Variants in PRKACB observed in about 807,000 individuals in gnomAD.
PRKACB encodes cAMP-dependent protein kinase catalytic subunit beta.
PRKACB carries 16 observed loss-of-function variants against 51.4 expected under a neutral mutation model. The observed-to-expected ratio is 0.31, with a 90% CI of 0.21 to 0.47. The LOEUF is 0.47. Ranked by LOEUF, PRKACB falls within the 20% of genes least tolerant of loss-of-function variation. PRKACB has a pLI of 1.00. For synonymous variants in PRKACB, 147 were observed against 154.4 expected (o/e 0.95, Z 0.35); for missense variants, 309 against 464.5 (o/e 0.67, Z 3.08).
At position 84,125,921 on chromosome 1, in the gene PRKACB, G is replaced by A. The variant is rs78905227; in HGVS notation, c.46+47550G>A. Among the ~76,000 whole-genome samples the A allele has an allele frequency of 9.7e-3, 1,475 of 152,134 alleles. 70 individuals are homozygous for A. The East Asian group carries it at 0.15, about 15-fold the overall frequency. On this transcript the variant is annotated intron_variant, in intron 1 of 8. Transcript: ENST00000370688. Reference sequence around the variant, plus strand: ...ATGGGATAGTTCCCTTGACCCCTTCGCGGGACTCACAAAGGGATTGACTTG... The same window carrying A: ...ATGGGATAGTTCCCTTGACCCCTTCACGGGACTCACAAAGGGATTGACTTG...
At chr1:84,164,738 A>C in intron 1 of PRKACB, 2 of 1,370,966 alleles carry the variant, frequency 1.5e-6, no homozygotes, top group Non-Finnish European at 1.9e-6. Flanking sequence ...GGCTGGGATA[A>C]CTAGCTTGAA....
intron 1 of PRKACB, among the ~76,000 whole-genome samples, chr1:84,162,003 A>G (rs1218568129): frequency 6.6e-6 from 1 of 152,050 alleles, no homozygotes; most frequent in Non-Finnish European, 1.5e-5. Context: ...TACAACAAAT[A>G]TCCTCCGTTG....
At chr1:84,179,689 A>G (rs1200234411) in intron 2 of PRKACB, among the ~76,000 whole-genome samples, 2 of 151,994 alleles carry the variant, frequency 1.3e-5, no homozygotes, top group East Asian at 3.9e-4. Context: ...CTATATAATT[A>G]AAGTATTTTA....
chr1:84,166,988 G>A (rs1215560640), intron 1 of PRKACB, among the ~76,000 whole-genome samples: 1 of 151,452 alleles, frequency 6.6e-6, no homozygotes, highest in Non-Finnish European at 1.5e-5. Flanking sequence ...TGATCTCACT[G>A]CCCATACAGG....
chr1:84,086,248 T>C, intron 1 of PRKACB: 1 of 1,547,766 alleles, frequency 6.5e-7, no homozygotes, highest in Non-Finnish European at 8.9e-7. Context: ...CAAGGACAAG[T>C]CCTGGTTCCC....
chr1:84,128,051 C>G (rs1232827834), intron 1 of PRKACB, among the ~76,000 whole-genome samples: 1 of 138,528 alleles, frequency 7.2e-6, no homozygotes, highest in Non-Finnish European at 1.5e-5. Context: ...TCTTGTCACC[C>G]AGGCTGGAGT....
chr1:84,078,436 G>C, intron 1 of PRKACB: 1 of 1,573,870 alleles, frequency 6.4e-7, no homozygotes, highest in Non-Finnish European at 8.6e-7. Flanking sequence ...AGCGCCCTCC[G>C]GGTCGCAGCT....
intron 9 of PRKACB, among the ~76,000 whole-genome samples, chr1:84,216,476 C>G (rs969851725): frequency 1.3e-5 from 2 of 152,148 alleles, no homozygotes; most frequent in African/African-American, 4.8e-5. Flanking sequence ...TCCAGAAACT[C>G]TCTGTTAAGT....
chr1:84,205,121 AAG>A, intron 8 of PRKACB: 1 of 982,204 alleles, frequency 1.0e-6, no homozygotes, highest in Non-Finnish European at 1.2e-6. Flanking sequence ...TTTTAACTAA[AAG>A]TACCAGATTA....
chr1:84,155,704 A>C (rs915781499), intron 1 of PRKACB, among the ~76,000 whole-genome samples: 1 of 152,202 alleles, frequency 6.6e-6, no homozygotes, highest in African/African-American at 2.4e-5. Context: ...TGTGTCTGAG[A>C]GATTGAATAT....
intron 9 of PRKACB, among the ~76,000 whole-genome samples, chr1:84,220,130 C>T (rs1434213817): frequency 2.0e-5 from 3 of 151,970 alleles, no homozygotes; most frequent in Non-Finnish European, 2.9e-5. Context: ...TAATTTCTTT[C>T]ATCAGTGTTT....
chr1:84,223,218 C>G (rs28800525), intron 9 of PRKACB, among the ~76,000 whole-genome samples: 1 of 151,916 alleles, frequency 6.6e-6, no homozygotes, highest in Non-Finnish European at 1.5e-5. Context: ...ATTTTTTATT[C>G]TTTTTTGGTG....
At chr1:84,109,604 C>CCA (rs991075799) in intron 1 of PRKACB, among the ~76,000 whole-genome samples, 6 of 151,782 alleles carry the variant, frequency 4.0e-5, no homozygotes, top group African/African-American at 1.5e-4. Flanking sequence ...ATAGATGTTC[C>CCA]CATACACGAT....
intron 1 of PRKACB, among the ~76,000 whole-genome samples, chr1:84,176,070 G>T (rs1019410164): frequency 4.6e-5 from 7 of 151,652 alleles, no homozygotes; most frequent in Non-Finnish European, 1.0e-4. Flanking sequence ...TGGTCACACA[G>T]CTAGGAAGTA....
At chr1:84,136,440 C>T (rs1330735256) in intron 1 of PRKACB, among the ~76,000 whole-genome samples, 2 of 149,936 alleles carry the variant, frequency 1.3e-5, no homozygotes, top group Non-Finnish European at 3.0e-5. Flanking sequence ...TGTCAAATTG[C>T]AAATTAAAAA....
rs539826309 is a variant in PRKACB at position 84,209,314 on chromosome 1, C to G, written c.907-4839C>G. On this transcript the variant is annotated intron_variant, in intron 8 of 9. Transcript: ENST00000370685. ...TAACTTGAAATCTTCACTTGGATATCTGATACCTCAAATTCAACCTGTCTA... is the reference window on the plus strand; with the variant it reads ...TAACTTGAAATCTTCACTTGGATATGTGATACCTCAAATTCAACCTGTCTA... 4.6e-5 allele frequency among the ~76,000 whole-genome samples: 7 copies of G among 152,226 alleles called. No homozygotes were observed. In the South Asian group the frequency reaches 1.2e-3, roughly 27 times the overall value.
intron 1 of PRKACB, among the ~76,000 whole-genome samples, chr1:84,104,687 G>A (rs1366637906): frequency 1.3e-5 from 2 of 151,996 alleles, no homozygotes; most frequent in African/African-American, 2.4e-5. Context: ...GCTTTCATTT[G>A]CATCTCCCTC....
In PRKACB at chr1:84,184,024, C is replaced by T; in HGVS notation, c.379-13C>T. 1.9e-6 allele frequency: 3 copies of T among 1,555,506 alleles called. No homozygotes were observed. Among genetic ancestry groups the T allele is most frequent in the Middle Eastern group, 1.8e-4 (1 of 5,712 alleles). ...CTTAAATACATTAAGAGATATTTATCTCTCAATTACAGGTTGTTAAACTGA... is the reference window on the plus strand; with the variant it reads ...CTTAAATACATTAAGAGATATTTATTTCTCAATTACAGGTTGTTAAACTGA... On this transcript the variant is annotated splice_polypyrimidine_tract_variant and intron_variant, in intron 3 of 9. Transcript: ENST00000370685.
chr1:84,162,060 T>A (rs7515976), intron 1 of PRKACB, among the ~76,000 whole-genome samples: 1 of 151,780 alleles, frequency 6.6e-6, no homozygotes, highest in Non-Finnish European at 1.5e-5. Context: ...GAGGATAATT[T>A]TCCTGGATAG....
Sources: allele counts gnomAD v4.1 joint callset (sites outside exome capture counted in the v4.1 genomes callset), GRCh38; gene constraint gnomAD v4.1.1; transcripts MANE v1.5; gene names NCBI Gene and HGNC (gene_info 2026-07-23, HGNC 2026-07-21).